Variants in NAV2 observed in about 807,000 individuals in gnomAD.
The protein encoded by NAV2 is helicase, APC down-regulated 1.
In NAV2, 54 loss-of-function variants were observed where a neutral mutation model predicts 223.2. That is an observed-to-expected ratio of 0.24 (90% confidence interval 0.19 to 0.30). NAV2 has a LOEUF of 0.30. NAV2 is among the 10% of genes least tolerant of loss of function. The pLI, the probability that NAV2 is intolerant of heterozygous loss-of-function variation, is 1.00. For synonymous variants in NAV2, 1,279 were observed against 1,239.3 expected, an observed-to-expected ratio of 1.03 and a Z score of -0.67; for missense variants, 2,806 against 3,147.5, an observed-to-expected ratio of 0.89 and a Z score of 2.60.
chr11:20,018,353 CA>C (rs34251713), intron 11 of NAV2, among the ~76,000 whole-genome samples: 1,142 of 87,926 alleles, frequency 0.013, 6 homozygotes, highest in African/African-American at 0.053. Flanking sequence ...GATTCCATCT[CA>C]AAAAAAAAAA....
intron 15 of NAV2, 123 bp downstream of exon 15, chr11:20,049,318 T>G (rs2057752800): frequency 1.3e-6 from 1 of 765,596 alleles, no homozygotes; most frequent in Non-Finnish European, 2.1e-6. Flanking sequence ...TTCTAATTAC[T>G]GCTGTCTTTC....
intron 1 of NAV2, among the ~76,000 whole-genome samples, chr11:19,566,386 T>C (rs567749880): frequency 3.3e-5 from 5 of 152,298 alleles, no homozygotes; most frequent in African/African-American, 9.6e-5. Flanking sequence ...CCCAAGGTGG[T>C]CATTTTAATG....
intron 1 of NAV2, among the ~76,000 whole-genome samples, chr11:19,768,597 G>T (rs1024132735): frequency 6.6e-6 from 1 of 152,184 alleles, no homozygotes; most frequent in African/African-American, 2.4e-5. Flanking sequence ...GGGCTGTCTT[G>T]AGGCAGGCTA....
At chr11:19,799,544 G>A (rs1358173326) in intron 1 of NAV2, among the ~76,000 whole-genome samples, 2 of 118,672 alleles carry the variant, frequency 1.7e-5, no homozygotes, top group Admixed American at 1.2e-4. Flanking sequence ...TGGCCAGGAC[G>A]CCCGTTATAG....
chr11:19,447,527 A>G (rs750383565), intron 1 of NAV2, among the ~76,000 whole-genome samples: 1 of 152,168 alleles, frequency 6.6e-6, no homozygotes, highest in Non-Finnish European at 1.5e-5. Context: ...CACCTCACAG[A>G]GGTTTGGGGG....
chr11:19,484,505 C>A (rs1422707687), intron 1 of NAV2, among the ~76,000 whole-genome samples: 1 of 152,246 alleles, frequency 6.6e-6, no homozygotes, highest in Admixed American at 6.5e-5. Flanking sequence ...TGGCTCTTGA[C>A]ACTGAGAGGC....
At chr11:19,986,363 T>C (rs1183014093) in intron 11 of NAV2, among the ~76,000 whole-genome samples, 1 of 152,236 alleles carries the variant, frequency 6.6e-6, no homozygotes, top group Admixed American at 6.5e-5. Context: ...CTCACGCCTG[T>C]AATCTCAGCA....
At chr11:19,462,433 G>A (rs1852199264) in intron 1 of NAV2, among the ~76,000 whole-genome samples, 1 of 152,208 alleles carries the variant, frequency 6.6e-6, no homozygotes, top group South Asian at 2.1e-4. Flanking sequence ...CACAGCTGGT[G>A]TAATTAAGAG....
At chr11:19,514,574 T>C (rs911996863) in intron 1 of NAV2, among the ~76,000 whole-genome samples, 1 of 152,180 alleles carries the variant, frequency 6.6e-6, no homozygotes, top group Non-Finnish European at 1.5e-5. Flanking sequence ...CCTGACATTT[T>C]ATTTGAAGGT....
intron 1 of NAV2, among the ~76,000 whole-genome samples, chr11:19,605,674 GGCAGCC>G (rs1284676577): frequency 7.9e-5 from 12 of 152,144 alleles, no homozygotes; most frequent in Non-Finnish European, 1.6e-4. Context: ...TCCTGGCATA[GGCAGCC>G]GCACTGCCTC....
chr11:19,702,389 C>T (rs2049533670), intron 1 of NAV2, among the ~76,000 whole-genome samples: 1 of 152,168 alleles, frequency 6.6e-6, no homozygotes, highest in Non-Finnish European at 1.5e-5. Context: ...GCTCAATTCT[C>T]CTGCCTGAAA....
intron 10 of NAV2, among the ~76,000 whole-genome samples, chr11:19,960,617 A>ATTTG (rs2048276178): frequency 1.4e-5 from 2 of 146,504 alleles, no homozygotes; most frequent in African/African-American, 5.3e-5. Context: ...TTATTTATTT[A>ATTTG]TTTATTTATT....
rs187372879 is a variant in NAV2 at position 20,023,179 on chromosome 11, G to A, written c.2769-12780G>A. ...TCTGGGGCCAGGGGGTGGGTGTGGT[G>A]CATGTACTGCCTTGTCTTCCTTGGC... On this transcript the variant is annotated intron_variant, in intron 11 of 37. Coordinates refer to ENST00000349880, the MANE Select transcript of NAV2 (RefSeq NM_145117.5). 115 of 1,522,480 alleles carry A rather than the reference G, an allele frequency of 7.6e-5. No homozygotes were observed. The East Asian group carries it at 1.0e-3, about 14-fold the overall frequency. The allele number at this position is 1,522,480 out of a possible 1,614,324, so 94.3% of individuals were successfully genotyped here. A position where few individuals can be genotyped will look rare whatever the true frequency, so the allele number is the denominator to read the frequency against.
At chr11:19,598,927 G>A (rs892421170) in intron 1 of NAV2, among the ~76,000 whole-genome samples, 1 of 151,984 alleles carries the variant, frequency 6.6e-6, no homozygotes, top group Non-Finnish European at 1.5e-5. Flanking sequence ...TTGATTTTTG[G>A]TTCCAACTGT....
chr11:19,541,139 A>G (rs756053955), intron 1 of NAV2, among the ~76,000 whole-genome samples: 5 of 152,228 alleles, frequency 3.3e-5, no homozygotes, highest in Non-Finnish European at 5.9e-5. Context: ...TGCTACCTAG[A>G]GGAAGTTATA....
intron 1 of NAV2, among the ~76,000 whole-genome samples, chr11:19,696,087 C>T (rs1188084869): frequency 2.0e-5 from 3 of 151,954 alleles, no homozygotes; most frequent in Non-Finnish European, 4.4e-5. Flanking sequence ...CTGAATCATG[C>T]CCCCATAACC....
At chr11:19,755,913 A>G (rs775791767) in intron 1 of NAV2, among the ~76,000 whole-genome samples, 1 of 152,196 alleles carries the variant, frequency 6.6e-6, no homozygotes, top group Non-Finnish European at 1.5e-5. Context: ...ACCACCTTAC[A>G]TATAGAAATG....
chr11:19,670,795 A>G (rs1036942512), intron 1 of NAV2, among the ~76,000 whole-genome samples: 8 of 152,246 alleles, frequency 5.3e-5, no homozygotes, highest in African/African-American at 1.9e-4. Context: ...GGAAATTATT[A>G]ATAAAGACAT....
At chr11:20,042,115 TGGTTGGATGAATGTA>T (rs1439423397) in intron 12 of NAV2, among the ~76,000 whole-genome samples, 1 of 152,170 alleles carries the variant, frequency 6.6e-6, no homozygotes, top group East Asian at 1.9e-4. Flanking sequence ...GAGTAAATTC[TGGTTGGATGAATGTA>T]CTGGAAGTGT....
Sources: allele counts gnomAD v4.1 joint callset (sites outside exome capture counted in the v4.1 genomes callset), GRCh38; gene constraint gnomAD v4.1.1; transcripts MANE v1.5; gene names NCBI Gene and HGNC (gene_info 2026-07-23, HGNC 2026-07-21).